Variants in CDC42BPB observed in about 807,000 individuals in gnomAD.
CDC42BPB encodes the protein serine/threonine-protein kinase MRCK beta.
A neutral mutation model predicts 214.9 loss-of-function variants in CDC42BPB; 37 were observed. That is an observed-to-expected ratio of 0.17 (90% confidence interval 0.13 to 0.23). CDC42BPB has a LOEUF of 0.23. CDC42BPB is among the 10% of genes least tolerant of loss of function. The pLI is 1.00. For synonymous variants in CDC42BPB, 931 were observed against 884.0 expected, an observed-to-expected ratio of 1.05 and a Z score of -0.94; for missense variants, 1,694 against 2,227.0, an observed-to-expected ratio of 0.76 and a Z score of 4.82.
At chr14:103,012,978 T>C (rs1036188599) in intron 1 of CDC42BPB, among the ~76,000 whole-genome samples, 1 of 152,230 alleles carries the variant, frequency 6.6e-6, no homozygotes, top group African/African-American at 2.4e-5. Flanking sequence ...GCTGTTGTCA[T>C]GTTCGCACAA....
chr14:102,999,471 A>G, intron 5 of CDC42BPB, 94 bp downstream of exon 5: 5 of 1,302,086 alleles, frequency 3.8e-6, no homozygotes, highest in South Asian at 2.6e-5. Context: ...CGCTACCTAC[A>G]TGGCTTCTTG....
At chr14:102,979,716 T>C (rs1595489194) in intron 8 of CDC42BPB, among the ~76,000 whole-genome samples, 1 of 152,198 alleles carries the variant, frequency 6.6e-6, no homozygotes, top group Non-Finnish European at 1.5e-5. Context: ...ATTTTCCTTT[T>C]ATTTGGTTAA....
chr14:103,052,214 G>A (rs1474177707), intron 1 of CDC42BPB, among the ~76,000 whole-genome samples: 3 of 152,158 alleles, frequency 2.0e-5, no homozygotes, highest in Non-Finnish European at 1.5e-5. Flanking sequence ...ATTATAGTCA[G>A]TATCAAACAG....
At chr14:102,936,135 C>T (rs895547326) in intron 36 of CDC42BPB, among the ~76,000 whole-genome samples, 3 of 152,178 alleles carry the variant, frequency 2.0e-5, no homozygotes, top group African/African-American at 7.2e-5. Context: ...TATGAGAACC[C>T]TCACATTGCT....
Position 102,939,908 on chromosome 14 carries a change from T to C in CDC42BPB, c.4631A>G (p.Lys1544Arg), listed in dbSNP as rs2139345596. The C allele has an allele frequency of 1.2e-6, 2 of 1,614,014 alleles. No individual in the cohort carries two copies. The highest frequency in any genetic ancestry group is 1.6e-4 in the Middle Eastern group (1 of 6,062). Residue 1544 changes from lysine (K) to arginine (R), a missense_variant, in exon 33 of 37, where the codon AAG becomes AGG. Transcript: ENST00000361246. ...LNVPDTSDNS[K>R]KQMLRTRSKR... ...GCTCCTGGTGCGCAGCATCTGCTTC[T>C]TGCTGTTGTCGGAGGTGTCCGGCAC...
At chr14:103,056,781 A>G (rs191336278) in intron 1 of CDC42BPB, among the ~76,000 whole-genome samples, 230 of 152,146 alleles carry the variant, frequency 1.5e-3, no homozygotes, top group African/African-American at 5.5e-3. Flanking sequence ...AGGAGGGATG[A>G]AAAGCTAGCG....
In CDC42BPB at chr14:102,944,220, G is replaced by A. The variant is rs528394229; in HGVS notation, c.4079C>T (p.Thr1360Met). The A allele has an allele frequency of 5.6e-6, 9 of 1,613,288 alleles. No homozygotes were observed. Among genetic ancestry groups the A allele is most frequent in the African/African-American group, 5.3e-5 (4 of 75,058 alleles). The change falls in exon 30 of 37, where the codon ACG becomes ATG. Residue 1360 changes from threonine to methionine, a missense_variant. Thr to Met is a moderately conservative substitution (Grantham distance 81, BLOSUM62 -1). Transcript: ENST00000361246. This position sits in a 1 kb window ranked among gnomAD's most constrained non-coding sequence, Gnocchi z 6.6. Reference sequence around the variant, plus strand: ...ATTGAACTTTCTGTGGAATGGCTTCGTTCTCTGGATCTCATAGCAAAGGAT... The same window carrying A: ...ATTGAACTTTCTGTGGAATGGCTTCATTCTCTGGATCTCATAGCAAAGGAT... Reference protein sequence around the residue: ...RLILCYEIQRTKPFHRKFNEI... With the variant: ...RLILCYEIQRMKPFHRKFNEI...
chr14:102,954,085 G>A, intron 23 of CDC42BPB, 113 bp downstream of exon 23: 1 of 783,682 alleles, frequency 1.3e-6, no homozygotes, highest in South Asian at 1.6e-5. Flanking sequence ...CTGTGTGTAT[G>A]CAAAAATGAC....
At chr14:102,964,694 C>A in intron 18 of CDC42BPB, 44 bp from the exon 19 acceptor site, 1 of 1,554,658 alleles carries the variant, frequency 6.4e-7, no homozygotes, top group Admixed American at 2.0e-5. Context: ...TTCAGTTATC[C>A]GCTTGTTAAA....
At chr14:102,975,839 G>C in intron 10 of CDC42BPB, 36 bp from the exon 11 acceptor site, 1 of 1,613,824 alleles carries the variant, frequency 6.2e-7, no homozygotes, top group South Asian at 1.1e-5. Flanking sequence ...GTGCAGCCTG[G>C]CCGCAGCGCC....
intron 19 of CDC42BPB, 130 bp downstream of exon 19, chr14:102,964,372 C>T (rs1595472416): frequency 1.8e-6 from 2 of 1,115,494 alleles, no homozygotes; most frequent in African/African-American, 3.2e-5. Flanking sequence ...CGTGCTGCCT[C>T]CTAAGGCTCC....
intron 1 of CDC42BPB, among the ~76,000 whole-genome samples, chr14:103,042,448 C>T (rs1888057906): frequency 6.6e-6 from 1 of 152,090 alleles, no homozygotes; most frequent in African/African-American, 2.4e-5. Flanking sequence ...GTAGCTGGGA[C>T]TACAGGCGCC....
At chr14:103,044,965 C>G (rs1484050640) in intron 1 of CDC42BPB, among the ~76,000 whole-genome samples, 2 of 150,942 alleles carry the variant, frequency 1.3e-5, no homozygotes, top group Non-Finnish European at 3.0e-5. Context: ...TTTGGGAGGC[C>G]GAGGCAAGAG....
chr14:103,052,952 A>C (rs1218609196), intron 1 of CDC42BPB, among the ~76,000 whole-genome samples: 1 of 152,274 alleles, frequency 6.6e-6, no homozygotes, highest in Non-Finnish European at 1.5e-5. Context: ...AATTCATCTC[A>C]CTGGGTTGTC....
chr14:102,973,996 C>A lies in CDC42BPB; in HGVS notation c.1641+20G>T. The stretch of plus-strand genomic sequence containing the variant: ...TGCAAAGTCCCGTAAGCCTTTCTCA[C>A]CCCAAACTGAGCCACCTACCTTGTG... On this transcript the variant is annotated intron_variant, in intron 12 of 36. Coordinates refer to ENST00000361246, the MANE Select transcript of CDC42BPB (RefSeq NM_006035.4). 6.3e-7 allele frequency: 1 copy of A among 1,591,186 alleles called. No homozygotes were observed. The highest frequency in any genetic ancestry group is 8.5e-7 in the Non-Finnish European group (1 of 1,170,214).
At chr14:103,010,324 G>C (rs1595141293) in intron 2 of CDC42BPB, among the ~76,000 whole-genome samples, 1 of 152,094 alleles carries the variant, frequency 6.6e-6, no homozygotes. Context: ...ATCCTGGCCT[G>C]TGGTAAATTG....
intron 21 of CDC42BPB, among the ~76,000 whole-genome samples, chr14:102,956,736 G>A (rs143137101): frequency 0.072 from 10,943 of 152,246 alleles, 532 homozygotes; most frequent in African/African-American, 0.14. Flanking sequence ...GGCTGAGGCA[G>A]GAGAATCGCT....
At chr14:102,939,175 G>A (rs1183278898) in intron 34 of CDC42BPB, among the ~76,000 whole-genome samples, 1 of 152,036 alleles carries the variant, frequency 6.6e-6, no homozygotes, top group Non-Finnish European at 1.5e-5. Flanking sequence ...TCCTGACCTC[G>A]TGATCCGCCC....
chr14:103,034,214 C>A (rs1466465098), intron 1 of CDC42BPB, among the ~76,000 whole-genome samples: 2 of 152,186 alleles, frequency 1.3e-5, no homozygotes, highest in Non-Finnish European at 2.9e-5. Flanking sequence ...CCATACCAAA[C>A]TTTATTTTTA....
Sources: allele counts gnomAD v4.1 joint callset (sites outside exome capture counted in the v4.1 genomes callset), GRCh38; gene constraint gnomAD v4.1.1; non-coding constraint Gnocchi (gnomAD v3.1); transcripts MANE v1.5; gene names NCBI Gene and HGNC (gene_info 2026-07-23, HGNC 2026-07-21).